ADGRB3: variants seen among roughly 807,000 people sequenced by gnomAD.
ADGRB3 encodes brain-specific angiogenesis inhibitor 3.
Under a neutral mutation model 193.4 loss-of-function variants are expected in ADGRB3, and 37 were observed. The ratio of observed to expected loss-of-function variants is 0.19; its 90% CI spans 0.15 to 0.25. The LOEUF (loss-of-function observed/expected upper bound fraction) is 0.25. Ranked by LOEUF, ADGRB3 falls within the 10% of genes least tolerant of loss-of-function variation. ADGRB3 has a pLI of 1.00. For missense variants in ADGRB3, 1,637 were observed against 1,852.9 expected (o/e 0.88, Z 2.14); for synonymous variants, 690 against 644.2 (o/e 1.07, Z -1.08).
intron 11 of ADGRB3, among the ~76,000 whole-genome samples, chr6:69,004,570 G>C (rs187176480): frequency 0.022 from 1,980 of 90,126 alleles, 61 homozygotes; most frequent in African/African-American, 0.082. Context: ...CCCCTCCCCC[G>C]ACCCCATGAC....
At chr6:68,886,689 T>A (rs1765916271) in intron 3 of ADGRB3, among the ~76,000 whole-genome samples, 1 of 152,038 alleles carries the variant, frequency 6.6e-6, no homozygotes, top group Admixed American at 6.6e-5. Context: ...GATTAAGAAA[T>A]CATCCTTAAC....
At chr6:68,946,669 T>TA (rs977547588) in intron 6 of ADGRB3, among the ~76,000 whole-genome samples, 7 of 152,088 alleles carry the variant, frequency 4.6e-5, no homozygotes, top group African/African-American at 1.7e-4. Flanking sequence ...AAGAAACATG[T>TA]AAAACCACAA....
chr6:68,686,109 G>A (rs924100665), intron 3 of ADGRB3, among the ~76,000 whole-genome samples: 7 of 152,114 alleles, frequency 4.6e-5, no homozygotes, highest in African/African-American at 1.7e-4. Flanking sequence ...GCCAAAGAAG[G>A]ATTGTAAGGT....
intron 10 of ADGRB3, among the ~76,000 whole-genome samples, chr6:68,987,831 A>G: frequency 6.6e-6 from 1 of 152,162 alleles, no homozygotes; most frequent in East Asian, 1.9e-4. Flanking sequence ...CGATATAATC[A>G]GAATGATAAA....
At chr6:69,222,092 G>A (rs1765909544) in intron 17 of ADGRB3, among the ~76,000 whole-genome samples, 1 of 151,948 alleles carries the variant, frequency 6.6e-6, no homozygotes, top group Non-Finnish European at 1.5e-5. Flanking sequence ...TTCCAAATCT[G>A]GGCTCAGGTA....
chr6:68,697,562 A>G (rs1187965743), intron 3 of ADGRB3, among the ~76,000 whole-genome samples: 2 of 151,974 alleles, frequency 1.3e-5, no homozygotes, highest in Non-Finnish European at 2.9e-5. Context: ...CAATCAGTCT[A>G]ATGGAGTGAC....
At chr6:69,001,055 A>G (rs182913503) in intron 11 of ADGRB3, among the ~76,000 whole-genome samples, 2 of 152,300 alleles carry the variant, frequency 1.3e-5, no homozygotes, top group East Asian at 3.9e-4. Flanking sequence ...AAAAAAAAAT[A>G]ACTTGAATGA....
chr6:68,830,639 A>T (rs1326425381), intron 3 of ADGRB3, among the ~76,000 whole-genome samples: 1 of 152,174 alleles, frequency 6.6e-6, no homozygotes, highest in Non-Finnish European at 1.5e-5. Context: ...GGAATTGATT[A>T]TCCAGCAGAA....
intron 3 of ADGRB3, among the ~76,000 whole-genome samples, chr6:68,881,320 A>C (rs1429536567): frequency 1.3e-5 from 2 of 152,112 alleles, no homozygotes; most frequent in Non-Finnish European, 2.9e-5. Context: ...TCAAATGCCA[A>C]CCTATTTATT....
chr6:69,022,773 A>C (rs1770310536), intron 13 of ADGRB3, among the ~76,000 whole-genome samples: 1 of 151,976 alleles, frequency 6.6e-6, no homozygotes, highest in Non-Finnish European at 1.5e-5. Flanking sequence ...AGCCCTGAAA[A>C]GGATAAAAGT....
At chr6:68,721,237 C>T (rs547241222) in intron 3 of ADGRB3, among the ~76,000 whole-genome samples, 3 of 151,912 alleles carry the variant, frequency 2.0e-5, no homozygotes, top group South Asian at 2.1e-4. Flanking sequence ...AAATGTCCAA[C>T]AATGATAGAC....
At chr6:69,083,198 TAG>T (rs1292434961) in intron 17 of ADGRB3, among the ~76,000 whole-genome samples, 1 of 152,204 alleles carries the variant, frequency 6.6e-6, no homozygotes, top group African/African-American at 2.4e-5. Context: ...AGCATGCCTG[TAG>T]AGAGTGCTGC....
chr6:68,950,964 C>CTA (rs1185942554), intron 6 of ADGRB3, among the ~76,000 whole-genome samples: 1 of 152,146 alleles, frequency 6.6e-6, no homozygotes, highest in African/African-American at 2.4e-5. Flanking sequence ...GTCGCATGGC[C>CTA]TATAGGGCCC....
chr6:68,926,123 G>T, intron 3 of ADGRB3, among the ~76,000 whole-genome samples: 1 of 152,120 alleles, frequency 6.6e-6, no homozygotes, highest in Non-Finnish European at 1.5e-5. Flanking sequence ...CTAGAAACTT[G>T]CACTTTGGAG....
At chr6:69,063,069 A>G (rs747969205) in intron 16 of ADGRB3, 33 bp downstream of exon 16, 4 of 1,482,048 alleles carry the variant, frequency 2.7e-6, no homozygotes, top group African/African-American at 1.4e-5. Flanking sequence ...TGACTTGCTT[A>G]TGGAATTACC....
At chr6:69,101,271 G>A (rs541119232) in intron 17 of ADGRB3, among the ~76,000 whole-genome samples, 1 of 152,176 alleles carries the variant, frequency 6.6e-6, no homozygotes, top group South Asian at 2.1e-4. Context: ...CATATAGCAT[G>A]TATGGATTGC....
At chr6:68,761,239 G>C (rs937420763) in intron 3 of ADGRB3, among the ~76,000 whole-genome samples, 1 of 152,192 alleles carries the variant, frequency 6.6e-6, no homozygotes, top group African/African-American at 2.4e-5. Flanking sequence ...AGGAGAGAGG[G>C]AGAAATAATA....
intron 12 of ADGRB3, among the ~76,000 whole-genome samples, chr6:69,016,550 A>G (rs1770098230): frequency 6.6e-6 from 1 of 151,904 alleles, no homozygotes; most frequent in Admixed American, 6.6e-5. Flanking sequence ...AGAAAAAATA[A>G]CCTCCTTATA....
intron 20 of ADGRB3, among the ~76,000 whole-genome samples, chr6:69,286,124 A>G (rs1767547158): frequency 6.6e-6 from 1 of 151,984 alleles, no homozygotes; most frequent in Non-Finnish European, 1.5e-5. Flanking sequence ...AAAGAAGACA[A>G]TTTTCTAAGG....
Sources: allele counts gnomAD v4.1 joint callset (sites outside exome capture counted in the v4.1 genomes callset), GRCh38; gene constraint gnomAD v4.1.1; transcripts MANE v1.5; gene names NCBI Gene and HGNC (gene_info 2026-07-23, HGNC 2026-07-21).